The following ARHGEF18 variants were observed in gnomAD, a reference collection of about 807,000 sequenced individuals.
ARHGEF18 encodes the protein rho guanine nucleotide exchange factor 18.
A neutral mutation model predicts 155.7 loss-of-function variants in ARHGEF18; 93 were observed. The observed-to-expected ratio is 0.60, with a 90% CI of 0.50 to 0.71. ARHGEF18 has a LOEUF of 0.71. ARHGEF18 is among the 30% of genes least tolerant of loss of function. The pLI is 0.00. For synonymous variants in ARHGEF18, 742 were observed against 753.1 expected (o/e 0.99, Z 0.24); for missense variants, 1,593 against 1,816.1 (o/e 0.88, Z 2.23).
intron 5 of ARHGEF18, among the ~76,000 whole-genome samples, chr19:7,377,165 G>C (rs1970499083): frequency 1.3e-5 from 2 of 151,878 alleles, no homozygotes; most frequent in Admixed American, 1.3e-4. Context: ...CCGCCTCCCG[G>C]GTTCATGCCC....
Position 7,442,011 on chromosome 19 carries a change from A to G in ARHGEF18, c.1319A>G (p.Lys440Arg), listed in dbSNP as rs1213754465. Residue 440 changes from lysine to arginine, a missense_variant, in exon 13 of 29, where the codon AAG becomes AGG. Physicochemically the swap from Lys to Arg is conservative, Grantham distance 26. Transcript: ENST00000668164. ...SLAVDAAYAK[K>R]QKREVVKRQD... ...GCCGTGGATGCAGCCTACGCCAAGA[A>G]GCAAAAGAGGGAGGTGGTGAAAAGA... The G allele has an allele frequency of 6.2e-7, 1 of 1,613,970 alleles. No individual in the cohort carries two copies. Among genetic ancestry groups the G allele is most frequent in the Non-Finnish European group, 8.5e-7 (1 of 1,180,038 alleles).
intron 10 of ARHGEF18, among the ~76,000 whole-genome samples, chr19:7,412,551 G>A (rs933981901): frequency 2.0e-5 from 3 of 151,864 alleles, no homozygotes; most frequent in Non-Finnish European, 4.4e-5. Context: ...AGACCAGCCT[G>A]GCCAACATGG....
intron 10 of ARHGEF18, among the ~76,000 whole-genome samples, chr19:7,400,584 G>A (rs1325779233): frequency 6.6e-6 from 1 of 152,136 alleles, no homozygotes; most frequent in Non-Finnish European, 1.5e-5. Flanking sequence ...TGTAATCCCA[G>A]TACTTTGGAA....
downstream of ARHGEF18, chr19:7,477,272 G>C (rs763705036): frequency 1.0e-5 from 16 of 1,584,986 alleles, no homozygotes; most frequent in Middle Eastern, 1.7e-4. Flanking sequence ...TGAGGAGATG[G>C]TGCCCATGAG....
intron 14 of ARHGEF18, among the ~76,000 whole-genome samples, chr19:7,445,187 C>A (rs960363004): frequency 1.3e-5 from 2 of 152,140 alleles, no homozygotes; most frequent in African/African-American, 4.8e-5. Flanking sequence ...TGGCCCACAC[C>A]TGTAATCCCA....
Position 7,415,255 on chromosome 19 carries a change from C to G in ARHGEF18, c.968-25089C>G, listed in dbSNP as rs532996364. The stretch of plus-strand genomic sequence containing the variant: ...GGTTCTCCCGGGCTTCAGGTAGCAC[C>G]TTAGGCCCAAATGTCCACCCCTTGC... On this transcript the variant is annotated intron_variant, in intron 10 of 28. Coordinates refer to ENST00000668164, the MANE Select transcript of ARHGEF18 (RefSeq NM_001367823.1). Among the ~76,000 whole-genome samples the G allele has an allele frequency of 3.9e-5, 6 of 152,216 alleles. No individual in the cohort carries two copies. In the East Asian group the frequency reaches 1.2e-3, roughly 29 times the overall value.
chr19:7,467,306 G>A lies in ARHGEF18; in HGVS notation c.3102G>A (p.Gly1034=), dbSNP rs915333807. 1.9e-5 allele frequency: 30 copies of A among 1,541,592 alleles called. No individual in the cohort carries two copies. Among genetic ancestry groups the A allele is most frequent in the African/African-American group, 2.7e-5 (2 of 73,196 alleles). Residue 1034 remains glycine, a synonymous_variant, in exon 26 of 29, where the codon GGG becomes GGA. Coordinates refer to ENST00000668164, the MANE Select transcript of ARHGEF18 (RefSeq NM_001367823.1). The stretch of plus-strand genomic sequence containing the variant: ...AGTTCCGGCTGCAGTCGACGCGTGG[G>A]AACCTGCTGCTGGAGCAGGAGCGGC... The part of the protein sequence containing the change: ...EKQFRLQSTR[G]NLLLEQERQR...
chr19:7,371,799 C>T (rs935879048), intron 2 of ARHGEF18, among the ~76,000 whole-genome samples: 6 of 148,864 alleles, frequency 4.0e-5, no homozygotes, highest in Non-Finnish European at 7.4e-5. Context: ...CCAGCCTGGG[C>T]GACAGAGCAA....
Position 7,470,090 on chromosome 19 carries a change from G to A in ARHGEF18, c.3914-36G>A, listed in dbSNP as rs376240455. On this transcript the variant is annotated intron_variant, in intron 28 of 28. Coordinates refer to ENST00000668164, the MANE Select transcript of ARHGEF18 (RefSeq NM_001367823.1). This position sits in a 1 kb window ranked among gnomAD's most constrained non-coding sequence, Gnocchi z 5.9. ...GGGCAGCGGGGCTGCGGCACCACCC[G>A]GCGACTGCTCAGTCTGAACCCTCTC... 101 of 1,611,386 alleles carry A rather than the reference G, an allele frequency of 6.3e-5. No homozygotes were observed. Among genetic ancestry groups the A allele is most frequent in the Non-Finnish European group, 7.9e-5 (93 of 1,179,258 alleles).
intron 10 of ARHGEF18, among the ~76,000 whole-genome samples, chr19:7,431,390 G>A (rs1020651026): frequency 4.6e-5 from 7 of 150,902 alleles, no homozygotes; most frequent in Non-Finnish European, 8.8e-5. Flanking sequence ...GGATGTGGGC[G>A]GCCATAATCC....
chr19:7,373,562 G>A (rs1176640153), intron 3 of ARHGEF18, among the ~76,000 whole-genome samples: 1 of 150,008 alleles, frequency 6.7e-6, no homozygotes, highest in Non-Finnish European at 1.5e-5. Flanking sequence ...TGCAATCTCC[G>A]CCTCCTGGGT....
At chr19:7,443,437 G>A (rs1442306142) in intron 13 of ARHGEF18, among the ~76,000 whole-genome samples, 1 of 152,020 alleles carries the variant, frequency 6.6e-6, no homozygotes, top group African/African-American at 2.4e-5. Flanking sequence ...CTGACCTCAT[G>A]TGATCTGCTC....
At chr19:7,396,470 C>T (rs1971715170) in intron 10 of ARHGEF18, among the ~76,000 whole-genome samples, 1 of 152,160 alleles carries the variant, frequency 6.6e-6, no homozygotes, top group Non-Finnish European at 1.5e-5. Flanking sequence ...GTAATCCCAG[C>T]ACTTTGGGAG....
intron 8 of ARHGEF18, among the ~76,000 whole-genome samples, chr19:7,382,122 A>G (rs1970774916): frequency 6.6e-6 from 1 of 152,064 alleles, no homozygotes; most frequent in Admixed American, 6.6e-5. Context: ...GGATTTAAAG[A>G]CCAATTAGGG....
intron 1 of ARHGEF18, among the ~76,000 whole-genome samples, chr19:7,359,771 G>C (rs1416575606): frequency 1.0e-5 from 1 of 100,046 alleles, no homozygotes; most frequent in African/African-American, 2.9e-5. Context: ...ACTAGGATCA[G>C]AGTTGAGTCA....
chr19:7,383,098 G>C lies in ARHGEF18; in HGVS notation c.862G>C (p.Asp288His). ...SPAHLKDKGQ[D>H]ARERRECVNG... ...AGCACATCTGAAGGACAAGGGCCAGGATGCACGAGAGAGGCGGGAGTGTGT... is the reference window on the plus strand; with the variant it reads ...AGCACATCTGAAGGACAAGGGCCAGCATGCACGAGAGAGGCGGGAGTGTGT... The change falls in exon 10 of 29, where the codon GAT (aspartate) becomes CAT (histidine). Residue 288 changes from aspartate (D) to histidine (H), a missense_variant. Coordinates refer to ENST00000668164, the MANE Select transcript of ARHGEF18 (RefSeq NM_001367823.1). 1.3e-5 allele frequency: 16 copies of C among 1,232,410 alleles called. No homozygotes were observed. Among genetic ancestry groups the C allele is most frequent in the Non-Finnish European group, 1.6e-5 (16 of 988,114 alleles). The allele number at this position is 1,232,410 out of a possible 1,614,324, so 76.3% of individuals were successfully genotyped here. A position where few individuals can be genotyped will look rare whatever the true frequency, so the allele number is the denominator to read the frequency against.
Position 7,419,231 on chromosome 19 carries a change from G to A in ARHGEF18, c.968-21113G>A, listed in dbSNP as rs553638687. On this transcript the variant is annotated intron_variant, in intron 10 of 28. Coordinates refer to ENST00000668164, the MANE Select transcript of ARHGEF18 (RefSeq NM_001367823.1). ...CCCGATGTACCCACACTCGGCCTCT[G>A]TACCCCGATGTACCCACACTCGGCC... 1.2e-3 allele frequency among the ~76,000 whole-genome samples: 168 copies of A among 141,394 alleles called. 1 individual carries two copies. Among genetic ancestry groups the A allele is most frequent in the Non-Finnish European group, 2.1e-3 (136 of 65,916 alleles). The allele number at this position is 141,394 out of a possible 152,430, so 92.8% of individuals were successfully genotyped here. A position where few individuals can be genotyped will look rare whatever the true frequency, so the allele number is the denominator to read the frequency against.
In ARHGEF18 at chr19:7,467,295, T is replaced by C; in HGVS notation, c.3091T>C (p.Ser1031Pro). The C allele has an allele frequency of 6.5e-7, 1 of 1,544,404 alleles. No individual in the cohort carries two copies. The highest frequency in any genetic ancestry group is 8.7e-7 in the Non-Finnish European group (1 of 1,148,556). ...GCGGGAGAAGCAGTTCCGGCTGCAG[T>C]CGACGCGTGGGAACCTGCTGCTGGA... ...QEREKQFRLQ[S>P]TRGNLLLEQE... is the part of the protein sequence containing the mutation. Residue 1031 changes from serine to proline, a missense_variant, in exon 26 of 29, where the codon TCG becomes CCG. By Grantham distance (74) the Ser-to-Pro change is moderately conservative (BLOSUM62 -1). Coordinates refer to ENST00000668164, the MANE Select transcript of ARHGEF18 (RefSeq NM_001367823.1).
chr19:7,377,300 G>A (rs1379130735), intron 5 of ARHGEF18, among the ~76,000 whole-genome samples: 1 of 151,968 alleles, frequency 6.6e-6, no homozygotes, highest in Non-Finnish European at 1.5e-5. Flanking sequence ...CAAAGTCCTG[G>A]CCTCTAGTGA....
Sources: allele counts gnomAD v4.1 joint callset (sites outside exome capture counted in the v4.1 genomes callset), GRCh38; gene constraint gnomAD v4.1.1; non-coding constraint Gnocchi (gnomAD v3.1); transcripts MANE v1.5; gene names NCBI Gene and HGNC (gene_info 2026-07-23, HGNC 2026-07-21).